NAALADL2: variants seen among roughly 807,000 people sequenced by gnomAD.
NAALADL2 encodes inactive N-acetylated-alpha-linked acidic dipeptidase-like protein 2.
NAALADL2 carries 76 observed loss-of-function variants against 87.2 expected under a neutral mutation model. That is an observed-to-expected ratio of 0.87 (90% confidence interval 0.72 to 1.05). The LOEUF is 1.05. Ranked by LOEUF, NAALADL2 falls within the 50% of genes least tolerant of loss-of-function variation. The pLI is 0.00. For missense variants in NAALADL2, 1,089 were observed against 945.8 expected (o/e 1.15, Z -1.99); for synonymous variants, 354 against 331.0 (o/e 1.07, Z -0.75).
chr3:174,844,148 A>G (rs1165279174), intron 3 of NAALADL2, among the ~76,000 whole-genome samples: 2 of 152,132 alleles, frequency 1.3e-5, no homozygotes. Flanking sequence ...TCATAGTTTC[A>G]GGTCTTACAT....
intron 9 of NAALADL2, among the ~76,000 whole-genome samples, chr3:175,527,631 A>G (rs185791005): frequency 1.3e-5 from 2 of 152,266 alleles, no homozygotes; most frequent in East Asian, 3.9e-4. Context: ...ACAATATGTG[A>G]TATGTACTGA....
At chr3:174,593,360 T>C (rs1717577761) in intron 2 of NAALADL2, among the ~76,000 whole-genome samples, 1 of 152,160 alleles carries the variant, frequency 6.6e-6, no homozygotes, top group Non-Finnish European at 1.5e-5. Context: ...TTTATGAGTT[T>C]TAGTTAATTC....
At chr3:174,951,167 A>G (rs1008835179) in intron 1 of NAALADL2, among the ~76,000 whole-genome samples, 1 of 152,130 alleles carries the variant, frequency 6.6e-6, no homozygotes, top group Non-Finnish European at 1.5e-5. Context: ...GTTAGAAAGT[A>G]TTCCATACTT....
chr3:174,590,166 AT>A (rs541104659), intron 2 of NAALADL2, among the ~76,000 whole-genome samples: 9 of 149,742 alleles, frequency 6.0e-5, no homozygotes, highest in Middle Eastern at 3.4e-3. Flanking sequence ...AGAACCATAG[AT>A]TTTTTTTTTC....
chr3:175,506,993 A>G (rs975326935), intron 9 of NAALADL2, among the ~76,000 whole-genome samples: 4 of 152,020 alleles, frequency 2.6e-5, no homozygotes, highest in African/African-American at 9.7e-5. Flanking sequence ...AACTGAGTAC[A>G]TCTGCTATCA....
At chr3:175,046,374 C>T (rs1754672085) in intron 1 of NAALADL2, among the ~76,000 whole-genome samples, 1 of 152,046 alleles carries the variant, frequency 6.6e-6, no homozygotes, top group Admixed American at 6.6e-5. Flanking sequence ...CCTCAGGAAC[C>T]AGTTCTATTT....
intron 2 of NAALADL2, among the ~76,000 whole-genome samples, chr3:174,710,711 C>T (rs1007215962): frequency 1.3e-5 from 2 of 152,104 alleles, no homozygotes; most frequent in African/African-American, 2.4e-5. Context: ...GAGAGAAATT[C>T]CTAGCTGATA....
chr3:175,000,578 C>T lies in NAALADL2; in HGVS notation c.44-96212C>T, dbSNP rs147834076. 2.6e-5 allele frequency among the ~76,000 whole-genome samples: 4 copies of T among 152,216 alleles called. No individual in the cohort carries two copies. The South Asian group carries it at 6.2e-4, about 24-fold the overall frequency. On this transcript the variant is annotated intron_variant, in intron 1 of 13. Coordinates refer to ENST00000454872, the MANE Select transcript of NAALADL2 (RefSeq NM_207015.3). ...GGGACTGGACCTTTAACCTATTTAC[C>T]CTTTCCATCACACATACTTTATTCT...
At chr3:174,463,663 C>T (rs1199470405) in intron 1 of NAALADL2, among the ~76,000 whole-genome samples, 1 of 140,146 alleles carries the variant, frequency 7.1e-6, no homozygotes, top group Non-Finnish European at 1.5e-5. Flanking sequence ...TGCAGTGTTG[C>T]AATTTTGGCT....
intron 1 of NAALADL2, among the ~76,000 whole-genome samples, chr3:174,463,603 T>TTA (rs1449393441): frequency 6.8e-6 from 1 of 146,330 alleles, no homozygotes; most frequent in Non-Finnish European, 1.5e-5. Context: ...GATTATCTTT[T>TTA]TTTTTTTTTT....
intron 1 of NAALADL2, among the ~76,000 whole-genome samples, chr3:175,072,828 T>TA (rs1715909279): frequency 1.3e-5 from 2 of 151,622 alleles, no homozygotes; most frequent in South Asian, 4.2e-4. Context: ...CCCTAAAACT[T>TA]AAAGTATAGC....
At chr3:175,051,753 G>A (rs993786581) in intron 1 of NAALADL2, among the ~76,000 whole-genome samples, 1 of 152,202 alleles carries the variant, frequency 6.6e-6, no homozygotes, top group African/African-American at 2.4e-5. Context: ...TGTAGGGTCT[G>A]GTTGTCACAA....
intron 9 of NAALADL2, among the ~76,000 whole-genome samples, chr3:175,492,363 G>A (rs966918275): frequency 3.3e-5 from 5 of 152,102 alleles, no homozygotes; most frequent in Admixed American, 6.6e-5. Context: ...TGAGAGACAG[G>A]ATACTTTTCA....
chr3:175,703,557 A>G (rs141024105), intron 11 of NAALADL2, among the ~76,000 whole-genome samples: 9,923 of 152,144 alleles, frequency 0.065, 1,066 homozygotes, highest in African/African-American at 0.23. Context: ...AGCCTGACCA[A>G]CATGGTGAAA....
At chr3:175,524,945 G>A (rs1427820060) in intron 9 of NAALADL2, among the ~76,000 whole-genome samples, 1 of 152,024 alleles carries the variant, frequency 6.6e-6, no homozygotes, top group African/African-American at 2.4e-5. Flanking sequence ...TCTTATAACA[G>A]GAACATGCTT....
At chr3:174,641,523 G>A (rs1211365059) in intron 2 of NAALADL2, among the ~76,000 whole-genome samples, 1 of 152,124 alleles carries the variant, frequency 6.6e-6, no homozygotes, top group Admixed American at 6.5e-5. Flanking sequence ...CCGTGTTAAC[G>A]ATGCCCTCAA....
intron 11 of NAALADL2, among the ~76,000 whole-genome samples, chr3:175,699,735 A>T (rs954253236): frequency 1.4e-5 from 2 of 142,734 alleles, no homozygotes; most frequent in Non-Finnish European, 2.9e-5. Flanking sequence ...AGTGCCACTG[A>T]GTGACAATTA....
chr3:175,407,468 T>G (rs575096231), intron 5 of NAALADL2, among the ~76,000 whole-genome samples: 2 of 152,318 alleles, frequency 1.3e-5, no homozygotes, highest in African/African-American at 4.8e-5. Context: ...TTATATATAC[T>G]TCTACATTAC....
chr3:174,561,148 A>T (rs1301890131), intron 2 of NAALADL2, among the ~76,000 whole-genome samples: 3 of 151,918 alleles, frequency 2.0e-5, no homozygotes, highest in African/African-American at 7.3e-5. Context: ...GAAAATTACT[A>T]AGAGGAAATA....
Sources: allele counts gnomAD v4.1 joint callset (sites outside exome capture counted in the v4.1 genomes callset), GRCh38; gene constraint gnomAD v4.1.1; transcripts MANE v1.5; gene names NCBI Gene and HGNC (gene_info 2026-07-23, HGNC 2026-07-21).